The following PPFIA2 variants were observed in gnomAD, a reference collection of about 807,000 sequenced individuals.
PPFIA2 encodes liprin-alpha-2.
Under a neutral mutation model 175.5 loss-of-function variants are expected in PPFIA2, and 46 were observed. That is an observed-to-expected ratio of 0.26 (90% CI 0.21 to 0.34). The LOEUF (loss-of-function observed/expected upper bound fraction) is 0.34. Ranked by LOEUF, PPFIA2 falls within the 10% of genes least tolerant of loss-of-function variation. The pLI, the probability that PPFIA2 is intolerant of heterozygous loss-of-function variation, is 1.00. For missense variants in PPFIA2, 1,179 were observed against 1,506.1 expected (o/e 0.78, Z 3.60); for synonymous variants, 568 against 511.4 (o/e 1.11, Z -1.49).
chr12:81,263,643 A>C (rs1004058582), intron 30 of PPFIA2, among the ~76,000 whole-genome samples: 4 of 152,236 alleles, frequency 2.6e-5, no homozygotes, highest in African/African-American at 9.6e-5. Context: ...TACAGTAAAT[A>C]TCCTTGAAAG....
intron 22 of PPFIA2, among the ~76,000 whole-genome samples, chr12:81,307,130 T>A (rs1203837641): frequency 6.6e-6 from 1 of 152,160 alleles, no homozygotes; most frequent in Admixed American, 6.5e-5. Flanking sequence ...CCCTTTTATA[T>A]GAAATATTTT....
In PPFIA2 at chr12:81,341,114, T is replaced by C. The variant is rs772992518; in HGVS notation, c.2357A>G (p.His786Arg). The C allele has an allele frequency of 6.2e-7, 1 of 1,610,908 alleles. No homozygotes were observed. The highest frequency in any genetic ancestry group is 8.5e-7 in the Non-Finnish European group (1 of 1,177,498). Residue 786 changes from histidine to arginine, a missense_variant, in exon 20 of 33, where the codon CAC (histidine) becomes CGC (arginine). His to Arg is a conservative substitution (Grantham distance 29, BLOSUM62 0). Around this residue, in one of 10 missense-constraint regions of PPFIA2, gnomAD observed 223 missense variants for 241.6 expected, o/e 0.92. Coordinates refer to ENST00000549396, the MANE Select transcript of PPFIA2 (RefSeq NM_003625.5). The stretch of plus-strand genomic sequence containing the variant: ...ATTGTGGTAGGAAGAAGGGAGAGTG[T>C]GAGTCATTCTGAGGGCTCTAGGGGT... ...PPTPRALRMT[H>R]TLPSSYHNDA...
chr12:81,463,075 A>G (rs543663238), intron 4 of PPFIA2, among the ~76,000 whole-genome samples: 6 of 152,220 alleles, frequency 3.9e-5, no homozygotes, highest in African/African-American at 1.4e-4. Flanking sequence ...TTCACTGGGA[A>G]CAACCTAGAC....
intron 4 of PPFIA2, among the ~76,000 whole-genome samples, chr12:81,459,531 T>C (rs1165811476): frequency 6.6e-6 from 1 of 152,180 alleles, no homozygotes; most frequent in Admixed American, 6.6e-5. Flanking sequence ...AGTGAAATTA[T>C]GAATGAATTT....
Position 81,517,107 on chromosome 12 carries a change from CTT to C in PPFIA2, c.304-59243_304-59242del, listed in dbSNP as rs34341719. 8.8e-3 allele frequency among the ~76,000 whole-genome samples: 1,084 copies of C among 123,634 alleles called. 7 individuals are homozygous for C. The highest frequency in any genetic ancestry group is 0.027 in the African/African-American group (914 of 33,628). 81.1% of individuals were successfully genotyped at this position (123,634 alleles called of 152,430 possible). ...ATTTTTCCTTAACCCCACATTGTAG[CTT>C]TTTTTTTTTTTTTTTTGGCTGTTTT... is the stretch of plus-strand genomic sequence containing the variant. On this transcript the variant is annotated intron_variant, in intron 4 of 32. Transcript: ENST00000549396.
chr12:81,647,003 C>A (rs1352770478), intron 4 of PPFIA2, among the ~76,000 whole-genome samples: 10 of 149,998 alleles, frequency 6.7e-5, no homozygotes, highest in Non-Finnish European at 1.2e-4. Flanking sequence ...GATGATGACA[C>A]TTTCAGGCAG....
At chr12:81,286,261 C>T (rs2043348274) in intron 24 of PPFIA2, among the ~76,000 whole-genome samples, 1 of 151,830 alleles carries the variant, frequency 6.6e-6, no homozygotes, top group South Asian at 2.1e-4. Flanking sequence ...TAAGCTAAGG[C>T]TAATTTATTA....
chr12:81,603,825 TAAAAAA>T (rs60363527), intron 4 of PPFIA2, among the ~76,000 whole-genome samples: 2 of 103,334 alleles, frequency 1.9e-5, no homozygotes, highest in African/African-American at 3.6e-5. Context: ...CTATTCTGAC[TAAAAAA>T]AAAAAAAAAA....
chr12:81,316,900 A>G (rs1400431260), intron 22 of PPFIA2, among the ~76,000 whole-genome samples: 28 of 151,628 alleles, frequency 1.8e-4, no homozygotes. Flanking sequence ...TAGATACTAA[A>G]TAATTCCAAG....
chr12:81,349,277 T>G (rs1263554947), intron 17 of PPFIA2, among the ~76,000 whole-genome samples: 4 of 152,200 alleles, frequency 2.6e-5, no homozygotes, highest in East Asian at 3.8e-4. Context: ...TTTGTGATTT[T>G]AATAGGCTGT....
At chr12:81,328,821 T>TC (rs1002928563) in intron 21 of PPFIA2, among the ~76,000 whole-genome samples, 26 of 148,488 alleles carry the variant, frequency 1.8e-4, no homozygotes, top group African/African-American at 4.7e-4. Flanking sequence ...TTTCTTTCTT[T>TC]TTTTTTTTTT....
intron 8 of PPFIA2, among the ~76,000 whole-genome samples, chr12:81,404,058 T>A (rs564437605): frequency 6.6e-6 from 1 of 152,144 alleles, no homozygotes; most frequent in African/African-American, 2.4e-5. Context: ...AAAACAAGAA[T>A]TGAGGTTGCT....
chr12:81,659,515 C>T (rs2068418541), intron 4 of PPFIA2, among the ~76,000 whole-genome samples: 1 of 152,196 alleles, frequency 6.6e-6, no homozygotes, highest in African/African-American at 2.4e-5. Flanking sequence ...AGAGGGGCGC[C>T]CGCCATTGCT....
At chr12:81,355,845 T>C (rs969523360) in intron 16 of PPFIA2, among the ~76,000 whole-genome samples, 1 of 152,230 alleles carries the variant, frequency 6.6e-6, no homozygotes, top group African/African-American at 2.4e-5. Context: ...ATGTTGTCCA[T>C]GCTTTGATTG....
intron 6 of PPFIA2, among the ~76,000 whole-genome samples, chr12:81,443,887 C>T (rs1426938782): frequency 1.2e-4 from 13 of 109,144 alleles, no homozygotes; most frequent in Non-Finnish European, 1.9e-4. Context: ...GACGGAGTCT[C>T]GCTGTCACCC....
Position 81,349,087 on chromosome 12 carries a change from G to A in PPFIA2, c.1995-1317C>T, listed in dbSNP as rs2059576672. Reference sequence around the variant, plus strand: ...CTTCTCTGGTGTACGTTTACTATGGGAAGTTGAGCTACATTTACTCACCTG... The same window carrying A: ...CTTCTCTGGTGTACGTTTACTATGGAAAGTTGAGCTACATTTACTCACCTG... On this transcript the variant is annotated intron_variant, in intron 17 of 32. Transcript: ENST00000549396. Among the ~76,000 whole-genome samples the A allele has an allele frequency of 2.6e-5, 4 of 152,132 alleles. No homozygotes were observed. The South Asian group carries it at 8.3e-4, about 31-fold the overall frequency.
At chr12:81,620,108 C>A (rs1240500611) in intron 4 of PPFIA2, among the ~76,000 whole-genome samples, 1 of 131,230 alleles carries the variant, frequency 7.6e-6, no homozygotes, top group African/African-American at 2.8e-5. Flanking sequence ...TGCAGTGAGC[C>A]GAGATCGCGC....
intron 20 of PPFIA2, among the ~76,000 whole-genome samples, chr12:81,340,050 G>A (rs568050995): frequency 6.6e-6 from 1 of 152,210 alleles, no homozygotes; most frequent in Non-Finnish European, 1.5e-5. Context: ...AGTTTCTATA[G>A]TTGTTAATTT....
At chr12:81,698,046 A>G (rs1029366716) in intron 3 of PPFIA2, among the ~76,000 whole-genome samples, 3 of 152,172 alleles carry the variant, frequency 2.0e-5, no homozygotes, top group Admixed American at 2.0e-4. Context: ...AAATGTCACC[A>G]TGGATATAAG....
Sources: gnomAD v4.1 joint callset for allele counts (sites outside exome capture counted in the v4.1 genomes callset) on GRCh38, gnomAD v4.1.1 for gene constraint, gnomAD v4.1.1 regional missense constraint, MANE v1.5 for transcripts, NCBI Gene and HGNC (gene_info 2026-07-23, HGNC 2026-07-21) for gene names.